Variants in NPAS3 observed in about 807,000 individuals in gnomAD.
NPAS3 encodes the protein neuronal PAS domain protein 3, also known as neuronal PAS domain-containing protein 3.
NPAS3 carries 14 observed loss-of-function variants against 73.1 expected under a neutral mutation model. The ratio of observed to expected loss-of-function variants is 0.19; its 90% CI spans 0.13 to 0.30. NPAS3 has a LOEUF of 0.30. Ranked by LOEUF, NPAS3 falls within the 10% of genes least tolerant of loss-of-function variation. The pLI, the probability that NPAS3 is intolerant of heterozygous loss-of-function variation, is 1.00. For synonymous variants in NPAS3, 620 were observed against 541.5 expected (o/e 1.14, Z -2.01); for missense variants, 1,096 against 1,250.0 (o/e 0.88, Z 1.86).
chr14:33,308,523 T>TACACACACACAC lies in NPAS3; in HGVS notation c.386-58662_386-58661insCACACACACACA, dbSNP rs1347327819. On this transcript the variant is annotated intron_variant, in intron 3 of 11. Coordinates refer to ENST00000356141, the Ensembl canonical transcript of NPAS3. The stretch of plus-strand genomic sequence containing the variant: ...CTATTGCATAGTTTATATATATATA[T>TACACACACACAC]ATATACATACACACACACACACACA... 6.6e-4 allele frequency among the ~76,000 whole-genome samples: 59 copies of TACACACACACAC among 88,826 alleles called. 1 individual carries two copies. Among genetic ancestry groups the TACACACACACAC allele is most frequent in the African/African-American group, 1.6e-3 (35 of 21,718 alleles). The allele number at this position is 88,826 out of a possible 152,430, so 58.3% of individuals were successfully genotyped here.
chr14:33,226,824 T>C (rs7150126), intron 3 of NPAS3, among the ~76,000 whole-genome samples: 119,309 of 152,172 alleles, frequency 0.78, 47,008 homozygotes, highest in South Asian at 0.9. Flanking sequence ...AAGCATATTA[T>C]TTACGTATAA....
chr14:33,718,571 A>G (rs117096282), intron 6 of NPAS3, among the ~76,000 whole-genome samples: 1,684 of 152,332 alleles, frequency 0.011, 16 homozygotes, highest in Admixed American at 0.018. Flanking sequence ...AATTTCAAGA[A>G]CAAGGTAGTA....
At chr14:33,696,517 A>G (rs1228410619) in intron 6 of NPAS3, among the ~76,000 whole-genome samples, 1 of 152,208 alleles carries the variant, frequency 6.6e-6, no homozygotes, top group East Asian at 1.9e-4. Flanking sequence ...TTCGGTAAAT[A>G]GTGCAGCATT....
At chr14:33,455,649 C>T (rs1327282478) in intron 4 of NPAS3, among the ~76,000 whole-genome samples, 2 of 152,156 alleles carry the variant, frequency 1.3e-5, no homozygotes, top group Non-Finnish European at 2.9e-5. Context: ...TATGACACTG[C>T]CCTCACCATT....
chr14:32,953,486 A>G (rs1353511782), intron 1 of NPAS3, among the ~76,000 whole-genome samples: 5 of 152,170 alleles, frequency 3.3e-5, no homozygotes, highest in Non-Finnish European at 5.9e-5. Context: ...CAGTCAGTGA[A>G]TGGGCTTCAG....
chr14:33,403,767 C>T (rs1430832685), intron 4 of NPAS3, among the ~76,000 whole-genome samples: 2 of 151,962 alleles, frequency 1.3e-5, no homozygotes, highest in African/African-American at 2.4e-5. Flanking sequence ...TTATTGTGGC[C>T]CACGGTAATG....
intron 5 of NPAS3, among the ~76,000 whole-genome samples, chr14:33,657,725 C>A (rs1351376007): frequency 1.3e-5 from 2 of 151,990 alleles, no homozygotes; most frequent in Non-Finnish European, 2.9e-5. Context: ...CAGGAGTAGT[C>A]CTCATGGATT....
chr14:33,448,515 C>T (rs1028625740), intron 4 of NPAS3, among the ~76,000 whole-genome samples: 4 of 152,152 alleles, frequency 2.6e-5, no homozygotes, highest in Admixed American at 2.6e-4. Flanking sequence ...CATTTTGCAT[C>T]TTACTTTATT....
chr14:33,041,819 G>T (rs1030428999), intron 1 of NPAS3, among the ~76,000 whole-genome samples: 1 of 152,110 alleles, frequency 6.6e-6, no homozygotes, highest in Non-Finnish European at 1.5e-5. Context: ...TTAGGGATGG[G>T]TAAGGAAGAG....
rs2047174628 is a variant in NPAS3 at position 33,215,169 on chromosome 14, C to A, written c.141-13C>A. On this transcript the variant is annotated splice_polypyrimidine_tract_variant and intron_variant, in intron 2 of 11. Transcript: ENST00000356141. Reference sequence around the variant, plus strand: ...ATATTCTAAACCACACATTCTCACTCCTTTGATTTCAGTTTACAAGCATTG... The same window carrying A: ...ATATTCTAAACCACACATTCTCACTACTTTGATTTCAGTTTACAAGCATTG... 1 of 1,612,832 alleles carries A rather than the reference C, an allele frequency of 6.2e-7. No individual in the cohort carries two copies. Among genetic ancestry groups the A allele is most frequent in the Non-Finnish European group, 8.5e-7 (1 of 1,179,208 alleles).
intron 5 of NPAS3, among the ~76,000 whole-genome samples, chr14:33,562,952 T>C (rs1224809219): frequency 1.3e-5 from 2 of 151,154 alleles, no homozygotes; most frequent in Non-Finnish European, 2.9e-5. Context: ...GCTCTGCTTG[T>C]ATGCTACAAC....
intron 4 of NPAS3, among the ~76,000 whole-genome samples, chr14:33,482,198 T>A (rs2051364296): frequency 6.6e-6 from 1 of 152,182 alleles, no homozygotes; most frequent in South Asian, 2.1e-4. Context: ...AGGTGAGTAA[T>A]GAGTCTCCTC....
rs1343909681 is a variant in NPAS3 at position 33,472,825 on chromosome 14, A to G, written c.469-87296A>G. ...ATTAGAAGTCAAAAAATGTGTGCAA[A>G]GCAGAAAAAAAAAGACATTTATTAT... is the stretch of plus-strand genomic sequence containing the variant. On this transcript the variant is annotated intron_variant, in intron 4 of 11. Transcript: ENST00000356141. 2.0e-5 allele frequency among the ~76,000 whole-genome samples: 3 copies of G among 150,794 alleles called. 1 individual carries two copies. The highest frequency in any genetic ancestry group is 5.0e-5 in the African/African-American group (2 of 40,144).
intron 8 of NPAS3, among the ~76,000 whole-genome samples, chr14:33,778,041 T>C (rs1417452672): frequency 6.6e-6 from 1 of 152,200 alleles, no homozygotes; most frequent in Non-Finnish European, 1.5e-5. Context: ...AAATACCCAA[T>C]AGAAGACCAA....
chr14:33,289,911 T>C (rs2140104107), intron 3 of NPAS3, among the ~76,000 whole-genome samples: 1 of 152,244 alleles, frequency 6.6e-6, no homozygotes, highest in African/African-American at 2.4e-5. Flanking sequence ...CAAAATGCTG[T>C]CACTACCAAG....
chr14:33,283,434 A>G (rs2041711272), intron 3 of NPAS3, among the ~76,000 whole-genome samples: 1 of 152,200 alleles, frequency 6.6e-6, no homozygotes, highest in African/African-American at 2.4e-5. Flanking sequence ...GATTGAGGTC[A>G]CTCAAACTTA....
chr14:33,713,491 G>A (rs1233637409), intron 6 of NPAS3, among the ~76,000 whole-genome samples: 1 of 152,250 alleles, frequency 6.6e-6, no homozygotes, highest in East Asian at 1.9e-4. Flanking sequence ...AACTTCTCAT[G>A]GTAGAATTGC....
chr14:33,435,834 C>T (rs2048966289), intron 4 of NPAS3, among the ~76,000 whole-genome samples: 1 of 152,278 alleles, frequency 6.6e-6, no homozygotes, highest in Non-Finnish European at 1.5e-5. Flanking sequence ...GTGCCATGAT[C>T]ATCTTCATCA....
chr14:33,335,676 C>A (rs1390471158), intron 3 of NPAS3, among the ~76,000 whole-genome samples: 1 of 152,040 alleles, frequency 6.6e-6, no homozygotes, highest in African/African-American at 2.4e-5. Context: ...TTTGAGTGGG[C>A]CTTTTGGCTG....
Sources: gnomAD v4.1 joint callset for allele counts (sites outside exome capture counted in the v4.1 genomes callset) on GRCh38, gnomAD v4.1.1 for gene constraint, MANE v1.5 for transcripts, NCBI Gene and HGNC (gene_info 2026-07-23, HGNC 2026-07-21) for gene names.